Variants in SLC44A5 observed in about 807,000 individuals in gnomAD.
SLC44A5 encodes the protein choline transporter-like protein 5.
SLC44A5 carries 57 observed loss-of-function variants against 101.8 expected under a neutral mutation model. The observed-to-expected ratio is 0.56, with a 90% CI of 0.45 to 0.70. The LOEUF (loss-of-function observed/expected upper bound fraction) is 0.70. SLC44A5 is among the 30% of genes least tolerant of loss of function. SLC44A5 has a pLI of 0.00. For synonymous variants in SLC44A5, 281 were observed against 290.9 expected, an observed-to-expected ratio of 0.97 and a Z score of 0.35; for missense variants, 737 against 853.1, an observed-to-expected ratio of 0.86 and a Z score of 1.70.
At chr1:75,601,125 G>A (rs998373859) in intron 1 of SLC44A5, among the ~76,000 whole-genome samples, 1 of 151,990 alleles carries the variant, frequency 6.6e-6, no homozygotes, top group Non-Finnish European at 1.5e-5. Flanking sequence ...TTTGGCTAGC[G>A]ACATTTCAGA....
intron 2 of SLC44A5, among the ~76,000 whole-genome samples, chr1:75,458,212 T>C (rs531610114): frequency 6.6e-6 from 1 of 152,278 alleles, no homozygotes; most frequent in East Asian, 1.9e-4. Context: ...TTTTTACAAG[T>C]GCAGGCTTGG....
intron 1 of SLC44A5, among the ~76,000 whole-genome samples, chr1:75,574,618 C>T (rs1403941546): frequency 1.3e-5 from 2 of 152,206 alleles, no homozygotes; most frequent in African/African-American, 4.8e-5. Context: ...GAGCTCCACT[C>T]CTACCAGCAC....
At chr1:75,670,750 C>A in the SLC44A5 span, among the ~76,000 whole-genome samples, 1 of 152,110 alleles carries the variant, frequency 6.6e-6, no homozygotes, top group Non-Finnish European at 1.5e-5. Context: ...AGATAGAAAC[C>A]ACACCCCCTC....
At chr1:75,503,989 GC>G (rs1332656502) in intron 2 of SLC44A5, among the ~76,000 whole-genome samples, 4 of 152,032 alleles carry the variant, frequency 2.6e-5, no homozygotes, top group African/African-American at 9.7e-5. Flanking sequence ...TTTGTATTTT[GC>G]CCCTAAACAG....
At chr1:75,622,108 C>T in the SLC44A5 span, among the ~76,000 whole-genome samples, 1,470 of 152,190 alleles carry the variant, frequency 9.7e-3, 26 homozygotes, top group African/African-American at 0.033. Flanking sequence ...CTGATTATCA[C>T]ATTGATGATC....
intron 1 of SLC44A5, among the ~76,000 whole-genome samples, chr1:75,554,904 A>C (rs1464875910): frequency 6.6e-6 from 1 of 152,138 alleles, no homozygotes; most frequent in Non-Finnish European, 1.5e-5. Flanking sequence ...AAAACACAAT[A>C]ATAAAAGGTA....
the SLC44A5 span, among the ~76,000 whole-genome samples, chr1:75,680,990 G>A: frequency 2.7e-5 from 4 of 149,970 alleles, no homozygotes; most frequent in East Asian, 1.9e-4. Flanking sequence ...ACACCTCTAC[G>A]CAAATAAACT....
chr1:75,393,986 T>C (rs1661963981), intron 3 of SLC44A5, among the ~76,000 whole-genome samples: 1 of 152,110 alleles, frequency 6.6e-6, no homozygotes, highest in Non-Finnish European at 1.5e-5. Flanking sequence ...GGGCTAGAGA[T>C]GTAAATCTAG....
intron 7 of SLC44A5, among the ~76,000 whole-genome samples, 172 bp downstream of exon 7, chr1:75,251,038 A>G (rs990495591): frequency 4.6e-5 from 7 of 152,294 alleles, no homozygotes; most frequent in African/African-American, 1.7e-4. Flanking sequence ...CTTAGTTTTG[A>G]TTGTATATAA....
intron 2 of SLC44A5, among the ~76,000 whole-genome samples, chr1:75,506,248 C>T (rs1669248480): frequency 6.6e-6 from 1 of 152,082 alleles, no homozygotes. Flanking sequence ...GTTTTGGTTA[C>T]TGTAGATTTA....
chr1:75,533,028 T>C (rs1469171605), intron 2 of SLC44A5, among the ~76,000 whole-genome samples: 2 of 152,244 alleles, frequency 1.3e-5, no homozygotes, highest in East Asian at 3.8e-4. Flanking sequence ...ATTGCACTTA[T>C]GTCCCATTCC....
At chr1:75,293,777 T>C (rs1033897869) in intron 5 of SLC44A5, among the ~76,000 whole-genome samples, 1 of 152,178 alleles carries the variant, frequency 6.6e-6, no homozygotes, top group African/African-American at 2.4e-5. Context: ...CCTCTCATGA[T>C]AACAATACTC....
chr1:75,437,346 T>C (rs1360075763), intron 2 of SLC44A5, among the ~76,000 whole-genome samples: 2 of 152,124 alleles, frequency 1.3e-5, no homozygotes, highest in African/African-American at 4.8e-5. Flanking sequence ...TCAGTTCTTT[T>C]GTAATATTAT....
At chr1:75,714,401 A>G in the SLC44A5 span, among the ~76,000 whole-genome samples, 2 of 152,184 alleles carry the variant, frequency 1.3e-5, no homozygotes, top group Non-Finnish European at 2.9e-5. Flanking sequence ...GTCATCTATG[A>G]CAAACCCACA....
At chr1:75,640,010 C>T in the SLC44A5 span, among the ~76,000 whole-genome samples, 1 of 151,926 alleles carries the variant, frequency 6.6e-6, no homozygotes, top group Non-Finnish European at 1.5e-5. Flanking sequence ...ATTTTTAGGT[C>T]GTTGTACTGA....
chr1:75,341,230 G>A (rs1175399493), intron 3 of SLC44A5, among the ~76,000 whole-genome samples: 1 of 152,192 alleles, frequency 6.6e-6, no homozygotes, highest in Non-Finnish European at 1.5e-5. Context: ...CCGGACATGG[G>A]TGGCTCACAC....
intron 1 of SLC44A5, among the ~76,000 whole-genome samples, chr1:75,579,384 A>G (rs1673552826): frequency 6.6e-6 from 1 of 152,224 alleles, no homozygotes; most frequent in African/African-American, 2.4e-5. Context: ...TCAAGGCTGC[A>G]GTGAGCTGTG....
chr1:75,359,446 G>T (rs1659331031), intron 3 of SLC44A5, among the ~76,000 whole-genome samples: 2 of 149,482 alleles, frequency 1.3e-5, no homozygotes, highest in Non-Finnish European at 3.0e-5. Context: ...TCACCATATT[G>T]CCCAGGCTGA....
At chr1:75,487,214 T>A (rs942576794) in intron 2 of SLC44A5, among the ~76,000 whole-genome samples, 1 of 152,058 alleles carries the variant, frequency 6.6e-6, no homozygotes, top group Non-Finnish European at 1.5e-5. Context: ...AGATACATAA[T>A]TATAAGTTGC....
Sources: allele counts gnomAD v4.1 joint callset (sites outside exome capture counted in the v4.1 genomes callset), GRCh38; gene constraint gnomAD v4.1.1; transcripts MANE v1.5; gene names NCBI Gene and HGNC (gene_info 2026-07-23, HGNC 2026-07-21).